B4GALT6: variants seen among roughly 807,000 people sequenced by gnomAD.
B4GALT6 encodes beta-1,4-galactosyltransferase 6.
In B4GALT6, 14 loss-of-function variants were observed where a neutral mutation model predicts 46.3. The observed-to-expected ratio is 0.30, with a 90% CI of 0.20 to 0.47. The LOEUF is 0.47. Among genes scored for constraint, B4GALT6 ranks in the 20% least tolerant of loss-of-function variants. The probability of loss-of-function intolerance (pLI) is 0.99; values close to 1 mark genes in which losing one functional copy is unlikely to be tolerated. For missense variants in B4GALT6, 386 were observed against 480.1 expected (o/e 0.80, Z 1.83); for synonymous variants, 168 against 162.0 (o/e 1.04, Z -0.28).
At chr18:31,704,245 G>A in the B4GALT6 span, among the ~76,000 whole-genome samples, 1 of 149,464 alleles carries the variant, frequency 6.7e-6, no homozygotes, top group Non-Finnish European at 1.5e-5. Context: ...TTGAGACAGA[G>A]TGTCACTCTG....
intron 1 of B4GALT6, among the ~76,000 whole-genome samples, chr18:31,672,892 T>G (rs778863377): frequency 1.3e-5 from 2 of 152,156 alleles, no homozygotes; most frequent in Non-Finnish European, 2.9e-5. Flanking sequence ...GAGATCACTG[T>G]AAGCCTTTAA....
At chr18:31,664,204 A>G (rs2074256098) in intron 2 of B4GALT6, among the ~76,000 whole-genome samples, 1 of 152,224 alleles carries the variant, frequency 6.6e-6, no homozygotes, top group African/African-American at 2.4e-5. Context: ...GAGCCACATG[A>G]CAGATGGCAG....
chr18:31,708,244 C>A, the B4GALT6 span, among the ~76,000 whole-genome samples: 15 of 152,180 alleles, frequency 9.9e-5, no homozygotes, highest in Non-Finnish European at 2.2e-4. Flanking sequence ...TGTTGACAGG[C>A]ATTTCATTTC....
chr18:31,722,930 T>C, the B4GALT6 span, among the ~76,000 whole-genome samples: 1 of 152,214 alleles, frequency 6.6e-6, no homozygotes, highest in Admixed American at 6.5e-5. Context: ...TATTCACGTT[T>C]ATGAGTGTAG....
chr18:31,705,007 A>G, the B4GALT6 span, among the ~76,000 whole-genome samples: 1 of 152,238 alleles, frequency 6.6e-6, no homozygotes, highest in South Asian at 2.1e-4. Context: ...CACAGACACA[A>G]TATAATGCCA....
chr18:31,626,901 C>T (rs1391110197), intron 7 of B4GALT6, 98 bp downstream of exon 7: 7 of 1,052,446 alleles, frequency 6.7e-6, no homozygotes, highest in Non-Finnish European at 9.5e-6. Flanking sequence ...ATATCCCATC[C>T]CAAAGAATGT....
the B4GALT6 span, among the ~76,000 whole-genome samples, chr18:31,717,884 G>A: frequency 2.0e-5 from 3 of 151,738 alleles, no homozygotes; most frequent in African/African-American, 7.3e-5. Context: ...AACCCGGGAG[G>A]CGGAGGTTGT....
At chr18:31,704,371 A>G in the B4GALT6 span, among the ~76,000 whole-genome samples, 1 of 151,656 alleles carries the variant, frequency 6.6e-6, no homozygotes, top group Non-Finnish European at 1.5e-5. Context: ...ACCATGCCCA[A>G]CTAATTTATT....
upstream of B4GALT6, chr18:31,686,094 T>TGCTAGCTGACTGTCCAGGTC (rs1228774785): frequency 6.6e-6 from 1 of 152,290 alleles, no homozygotes; most frequent in African/African-American, 2.4e-5. Flanking sequence ...TGTTTCTTCC[T>TGCTAGCTGACTGTCCAGGTC]GCTAGCTGAC....
intron 5 of B4GALT6, among the ~76,000 whole-genome samples, chr18:31,636,341 T>A (rs1490512317): frequency 1.3e-5 from 2 of 152,198 alleles, no homozygotes; most frequent in Non-Finnish European, 2.9e-5. Flanking sequence ...AGGCAAGCCA[T>A]AGACTATATT....
chr18:31,659,491 G>A (rs1036892991), intron 2 of B4GALT6, among the ~76,000 whole-genome samples: 6 of 152,266 alleles, frequency 3.9e-5, no homozygotes, highest in Non-Finnish European at 5.9e-5. Flanking sequence ...GTGTTGGGAC[G>A]GGCAAAGGTT....
At chr18:31,655,126 T>C (rs1459451942) in intron 3 of B4GALT6, among the ~76,000 whole-genome samples, 5 of 152,238 alleles carry the variant, frequency 3.3e-5, no homozygotes, top group African/African-American at 1.2e-4. Flanking sequence ...GTAGGTAAAC[T>C]AAGCCTCCAC....
chr18:31,631,369 T>C (rs2073788795), intron 5 of B4GALT6, among the ~76,000 whole-genome samples: 1 of 152,100 alleles, frequency 6.6e-6, no homozygotes, highest in Non-Finnish European at 1.5e-5. Context: ...GACTTTTTTC[T>C]ATTATTTTTC....
intron 2 of B4GALT6, chr18:31,658,355 A>C (rs138335209): frequency 2.4e-4 from 68 of 278,762 alleles, no homozygotes; most frequent in African/African-American, 1.3e-3. Flanking sequence ...CCATGTGAGA[A>C]CACCTGCTCC....
intron 5 of B4GALT6, among the ~76,000 whole-genome samples, chr18:31,635,275 C>T (rs575264988): frequency 5.4e-4 from 82 of 151,752 alleles, no homozygotes; most frequent in Non-Finnish European, 1.0e-3. Context: ...AGACAGCTCT[C>T]TCACCTCTCC....
chr18:31,671,598 T>C (rs561584042), intron 1 of B4GALT6, among the ~76,000 whole-genome samples: 76 of 152,368 alleles, frequency 5.0e-4, no homozygotes, highest in African/African-American at 1.7e-3. Flanking sequence ...GGGGTTTTTT[T>C]CTTGTAAATT....
chr18:31,681,114 C>T (rs2074474774), intron 1 of B4GALT6, among the ~76,000 whole-genome samples: 1 of 27,356 alleles, frequency 3.7e-5, no homozygotes, highest in African/African-American at 9.6e-5. Flanking sequence ...ATCTTCCATA[C>T]CTCAATGTCC....
intron 1 of B4GALT6, among the ~76,000 whole-genome samples, chr18:31,672,553 G>T (rs919112976): frequency 1.2e-4 from 19 of 152,324 alleles, no homozygotes; most frequent in African/African-American, 4.3e-4. Flanking sequence ...ATGGACTAAA[G>T]AAGAGGGAGA....
At chr18:31,702,460 C>T in the B4GALT6 span, among the ~76,000 whole-genome samples, 1 of 152,160 alleles carries the variant, frequency 6.6e-6, no homozygotes, top group Non-Finnish European at 1.5e-5. Flanking sequence ...CAGGTTGATT[C>T]CATGTAAGTT....
Sources: allele counts gnomAD v4.1 joint callset (sites outside exome capture counted in the v4.1 genomes callset), GRCh38; gene constraint gnomAD v4.1.1; transcripts MANE v1.5; gene names NCBI Gene and HGNC (gene_info 2026-07-23, HGNC 2026-07-21).